The following FAM227A variants were observed in gnomAD, a reference collection of about 807,000 sequenced individuals.
FAM227A encodes family with sequence similarity 227 member A.
In FAM227A, 80 loss-of-function variants were observed where a neutral mutation model predicts 74.7. The ratio of observed to expected loss-of-function variants is 1.07; its 90% confidence interval spans 0.89 to 1.29. The LOEUF (loss-of-function observed/expected upper bound fraction) is 1.29, where lower values mean the gene tolerates loss of function less well. Among genes scored for constraint, FAM227A ranks in the 50% most tolerant of loss-of-function variants. The pLI, the probability that FAM227A is intolerant of heterozygous loss-of-function variation, is 0.00. For synonymous variants in FAM227A, 237 were observed against 241.8 expected (o/e 0.98, Z 0.19); for missense variants, 654 against 683.4 (o/e 0.96, Z 0.48).
intron 11 of FAM227A, among the ~76,000 whole-genome samples, chr22:38,619,154 G>A (rs539876641): frequency 1.3e-5 from 2 of 152,138 alleles, no homozygotes; most frequent in African/African-American, 4.8e-5. Context: ...TGGTATACAA[G>A]GAAATAAAAG....
At chr22:38,590,420 CAG>C (rs2090907357) in intron 16 of FAM227A, among the ~76,000 whole-genome samples, 1 of 151,888 alleles carries the variant, frequency 6.6e-6, no homozygotes, top group African/African-American at 2.4e-5. Flanking sequence ...TATAAGGAGA[CAG>C]ACTTGGGCTG....
chr22:38,654,712 T>G (rs2092366260), intron 1 of FAM227A, among the ~76,000 whole-genome samples: 1 of 137,270 alleles, frequency 7.3e-6, no homozygotes, highest in South Asian at 2.3e-4. Context: ...AGGCGGATCA[T>G]GAGGTCAGGA....
intron 1 of FAM227A, among the ~76,000 whole-genome samples, chr22:38,653,377 CTT>C (rs34626242): frequency 2.7e-4 from 37 of 137,620 alleles, no homozygotes; most frequent in Admixed American, 5.2e-4. Context: ...GAATGTAATG[CTT>C]TTTTTTTTTT....
At position 38,645,665 on chromosome 22, in the gene FAM227A, A is replaced by C. The variant is rs762848386; in HGVS notation, c.143-20T>G. 6.6e-7 allele frequency: 1 copy of C among 1,510,564 alleles called. No homozygotes were observed. The highest frequency in any genetic ancestry group is 2.0e-5 in the Admixed American group (1 of 50,376). 93.6% of individuals were successfully genotyped at this position (1,510,564 alleles called of 1,614,324 possible). ...GGCATGCTGGGAGGTTAGTCTGCTA[A>C]GGAAACTCAGGGTGATGATTACACA... is the stretch of plus-strand genomic sequence containing the variant. On this transcript the variant is annotated intron_variant, in intron 2 of 16. Transcript: ENST00000535113.
At chr22:38,593,421 C>T (rs1277079551) in intron 15 of FAM227A, among the ~76,000 whole-genome samples, 1 of 152,194 alleles carries the variant, frequency 6.6e-6, no homozygotes, top group African/African-American at 2.4e-5. Flanking sequence ...AGGAGAACGG[C>T]ATGAACCCAG....
chr22:38,645,537 T>C lies in FAM227A; in HGVS notation c.225+26A>G, dbSNP rs1431374539. The stretch of plus-strand genomic sequence containing the variant: ...GGGCCCTTCCCTGTCAGAAGCTTTG[T>C]CTCAGCTCCAGCATAGGTAACTCAC... On this transcript the variant is annotated intron_variant, in intron 3 of 16. Transcript: ENST00000535113. 2.6e-6 allele frequency: 4 copies of C among 1,519,884 alleles called. No homozygotes were observed. In the South Asian group the frequency reaches 4.8e-5, roughly 18 times the overall value. 94.1% of individuals were successfully genotyped at this position (1,519,884 alleles called of 1,614,324 possible). A position where few individuals can be genotyped will look rare whatever the true frequency, so the allele number is the denominator to read the frequency against.
intron 11 of FAM227A, among the ~76,000 whole-genome samples, chr22:38,615,157 G>A (rs1335626008): frequency 6.6e-6 from 1 of 152,130 alleles, no homozygotes; most frequent in African/African-American, 2.4e-5. Flanking sequence ...CCCGTAGCTG[G>A]GATTATAGGC....
chr22:38,639,627 G>A (rs776264184), intron 4 of FAM227A, 28 bp downstream of exon 4: 4 of 1,549,500 alleles, frequency 2.6e-6, no homozygotes, highest in Admixed American at 2.0e-5. Context: ...CATGAAAAGA[G>A]CATCAAGGCT....
At chr22:38,594,655 T>C (rs1040880533) in intron 15 of FAM227A, among the ~76,000 whole-genome samples, 4 of 152,184 alleles carry the variant, frequency 2.6e-5, no homozygotes, top group African/African-American at 9.7e-5. Flanking sequence ...CTGTGTCCCA[T>C]AGTATTTTAT....
chr22:38,639,636 C>T lies in FAM227A; in HGVS notation c.295+19G>A. Reference sequence around the variant, plus strand: ...AAACCCCATGAAAAGAGCATCAAGGCTGAGGGAAAGGTTTTTGCCTTTGTC... The same window carrying T: ...AAACCCCATGAAAAGAGCATCAAGGTTGAGGGAAAGGTTTTTGCCTTTGTC... On this transcript the variant is annotated intron_variant, in intron 4 of 16. Transcript: ENST00000535113. 2 of 1,551,338 alleles carry T rather than the reference C, an allele frequency of 1.3e-6. No individual in the cohort carries two copies. The highest frequency in any genetic ancestry group is 8.7e-7 in the Non-Finnish European group (1 of 1,146,628).
At chr22:38,619,576 G>C (rs905095196) in intron 11 of FAM227A, among the ~76,000 whole-genome samples, 1 of 152,148 alleles carries the variant, frequency 6.6e-6, no homozygotes, top group Non-Finnish European at 1.5e-5. Context: ...TGCCTGCCTT[G>C]GGCTCCCAAA....
chr22:38,639,410 A>T (rs7290095), intron 4 of FAM227A, among the ~76,000 whole-genome samples: 1 of 115,470 alleles, frequency 8.7e-6, no homozygotes, highest in East Asian at 2.3e-4. Flanking sequence ...CTCCGTCTCG[A>T]AAAAAAAAAA....
At position 38,583,058 on chromosome 22, in the gene FAM227A, G is replaced by A; in HGVS notation, c.*3067C>T. ...TTCCTAGAGAAACTGCAAATGAAGA[G>A]TTGACAGTGGCTGGGGTAGTAAAGG... is the stretch of plus-strand genomic sequence containing the variant. On this transcript the variant is annotated 3_prime_UTR_variant, in exon 17 of 17. Coordinates refer to ENST00000535113, the MANE Select transcript of FAM227A (RefSeq NM_001013647.2). The A allele has an allele frequency of 8.1e-7, 1 of 1,241,960 alleles. No individual in the cohort carries two copies. 76.9% of individuals were successfully genotyped at this position (1,241,960 alleles called of 1,614,324 possible).
At chr22:38,591,362 T>C (rs1569186550) in intron 16 of FAM227A, 73 bp downstream of exon 16, 4 of 1,504,910 alleles carry the variant, frequency 2.7e-6, no homozygotes, top group South Asian at 1.3e-5. Flanking sequence ...TATTCTTACA[T>C]GTTCACACTT....
At chr22:38,587,546 T>C (rs189458489) in intron 16 of FAM227A, among the ~76,000 whole-genome samples, 1 of 152,242 alleles carries the variant, frequency 6.6e-6, no homozygotes, top group Admixed American at 6.5e-5. Context: ...AAATTCTGCA[T>C]AGACTTATAA....
At chr22:38,638,919 G>A (rs2092057038) in intron 4 of FAM227A, 97 bp from the exon 5 acceptor site, 1 of 727,000 alleles carries the variant, frequency 1.4e-6, no homozygotes, top group East Asian at 2.9e-5. Context: ...CACTTGAGCT[G>A]CCAGAGGACA....
chr22:38,643,944 G>A (rs993798807), intron 3 of FAM227A, among the ~76,000 whole-genome samples: 2 of 151,800 alleles, frequency 1.3e-5, no homozygotes, highest in Admixed American at 6.6e-5. Context: ...TCAGGAGATC[G>A]AGACCACCCT....
chr22:38,609,773 CTT>C (rs869048280), intron 11 of FAM227A, among the ~76,000 whole-genome samples: 2 of 145,890 alleles, frequency 1.4e-5, no homozygotes. Flanking sequence ...TCTTTTCTTT[CTT>C]TTTTTTTTTG....
chr22:38,641,936 GCCTCCCGAAA>G (rs2092122656), intron 3 of FAM227A, among the ~76,000 whole-genome samples: 2 of 149,856 alleles, frequency 1.3e-5, no homozygotes, highest in Non-Finnish European at 3.0e-5. Context: ...TAGCACTCCT[GCCTCCCGAAA>G]AGGTGTGTGT....
Sources: allele counts gnomAD v4.1 joint callset (sites outside exome capture counted in the v4.1 genomes callset), GRCh38; gene constraint gnomAD v4.1.1; transcripts MANE v1.5; gene names NCBI Gene and HGNC (gene_info 2026-07-23, HGNC 2026-07-21).